ASAP1: variants seen among roughly 807,000 people sequenced by gnomAD.
ASAP1 encodes arf-GAP with SH3 domain, ANK repeat and PH domain-containing protein 1.
A neutral mutation model predicts 145.2 loss-of-function variants in ASAP1; 43 were observed. The ratio of observed to expected loss-of-function variants is 0.30; its 90% confidence interval spans 0.23 to 0.38. The LOEUF (loss-of-function observed/expected upper bound fraction) is 0.38, where lower values mean the gene tolerates loss of function less well. Among genes scored for constraint, ASAP1 ranks in the 10% least tolerant of loss-of-function variants. The pLI is 1.00. For missense variants in ASAP1, 1,018 were observed against 1,355.3 expected (o/e 0.75, Z 3.91); for synonymous variants, 546 against 515.5 (o/e 1.06, Z -0.80).
intron 7 of ASAP1, 63 bp from the exon 8 acceptor site, chr8:130,180,943 G>A: frequency 6.9e-6 from 10 of 1,447,752 alleles, no homozygotes; most frequent in Non-Finnish European, 8.5e-6. Context: ...AATACCAACA[G>A]CAGATCCTAA....
At chr8:130,158,175 C>T (rs1310779291) in intron 12 of ASAP1, among the ~76,000 whole-genome samples, 1 of 151,534 alleles carries the variant, frequency 6.6e-6, no homozygotes, top group Non-Finnish European at 1.5e-5. Context: ...AGTACGTATC[C>T]ACAAGTAATC....
chr8:130,439,702 T>C (rs1007406137), intron 1 of ASAP1, among the ~76,000 whole-genome samples: 1 of 152,012 alleles, frequency 6.6e-6, no homozygotes, highest in Non-Finnish European at 1.5e-5. Context: ...TAAAGATGAG[T>C]AGCAATTAGC....
At chr8:130,160,212 A>G (rs1005648535) in intron 11 of ASAP1, 1 of 493,764 alleles carries the variant, frequency 2.0e-6, no homozygotes, top group Admixed American at 3.3e-5. Flanking sequence ...ACCCACCTCT[A>G]CTCTGAACTG....
chr8:130,329,609 T>A (rs2137771306), intron 3 of ASAP1, among the ~76,000 whole-genome samples: 1 of 152,330 alleles, frequency 6.6e-6, no homozygotes, highest in South Asian at 2.1e-4. Flanking sequence ...TGCAAATATG[T>A]TACTGGCTCA....
intron 4 of ASAP1, among the ~76,000 whole-genome samples, chr8:130,222,137 C>T (rs796333237): frequency 1.3e-5 from 2 of 152,312 alleles, no homozygotes; most frequent in African/African-American, 4.8e-5. Flanking sequence ...CTTAGGAATA[C>T]ATTAAAATTC....
intron 14 of ASAP1, among the ~76,000 whole-genome samples, chr8:130,136,521 G>A (rs1309561163): frequency 3.3e-5 from 5 of 150,482 alleles, no homozygotes; most frequent in African/African-American, 9.8e-5. Context: ...CTACATCCGT[G>A]CTTCTTAACC....
intron 18 of ASAP1, among the ~76,000 whole-genome samples, chr8:130,121,784 CAAAAAAAAAAAAAAAAA>C (rs56996962): frequency 7.9e-5 from 2 of 25,408 alleles, no homozygotes; most frequent in Admixed American, 7.6e-4. Context: ...AATTCCATCT[CAAAAAAAAAAAAAAAAA>C]AAAAAAAAAA....
chr8:130,342,913 G>A (rs1346724434), intron 3 of ASAP1, among the ~76,000 whole-genome samples: 1 of 152,114 alleles, frequency 6.6e-6, no homozygotes, highest in Non-Finnish European at 1.5e-5. Flanking sequence ...TCTGCCAAGT[G>A]TTAAGTGGGA....
chr8:130,096,109 G>T (rs1164271019), intron 24 of ASAP1, among the ~76,000 whole-genome samples: 3 of 152,166 alleles, frequency 2.0e-5, no homozygotes, highest in Admixed American at 6.5e-5. Context: ...CAGAAAGGAA[G>T]ATGCTACAAA....
chr8:130,101,054 T>C (rs957714426), intron 24 of ASAP1, among the ~76,000 whole-genome samples: 7 of 152,224 alleles, frequency 4.6e-5, no homozygotes, highest in Non-Finnish European at 8.8e-5. Flanking sequence ...CCCCAATGTA[T>C]GTTCTTTGCA....
intron 2 of ASAP1, among the ~76,000 whole-genome samples, chr8:130,389,480 A>G (rs13272051): frequency 0.42 from 63,652 of 152,050 alleles, 14,400 homozygotes; most frequent in African/African-American, 0.59. Context: ...ACAAAACCAA[A>G]TCTTATTTTG....
At chr8:130,412,039 G>T (rs1829286371) in intron 1 of ASAP1, among the ~76,000 whole-genome samples, 1 of 152,184 alleles carries the variant, frequency 6.6e-6, no homozygotes, top group Admixed American at 6.5e-5. Flanking sequence ...GGCCCTGTAT[G>T]GGTATCGGCC....
intron 3 of ASAP1, among the ~76,000 whole-genome samples, chr8:130,252,807 T>A (rs530340449): frequency 6.6e-6 from 1 of 152,120 alleles, no homozygotes; most frequent in Non-Finnish European, 1.5e-5. Context: ...ACCAAAAAAA[T>A]ACTCATGAAA....
intron 27 of ASAP1, among the ~76,000 whole-genome samples, chr8:130,066,778 G>A (rs1000333542): frequency 1.4e-4 from 21 of 152,268 alleles, no homozygotes; most frequent in Middle Eastern, 3.4e-3. Context: ...GAGAACTTCC[G>A]TAAATTCAGA....
rs5895032 is a variant in ASAP1 at position 130,052,735 on chromosome 8, G to GTTTTTTTTTTTTTTTTT, written c.*1995_*1996insAAAAAAAAAAAAAAAAA. 2.5e-5 allele frequency: 3 copies of GTTTTTTTTTTTTTTTTT among 122,142 alleles called. No homozygotes were observed. The highest frequency in any genetic ancestry group is 5.1e-5 in the Non-Finnish European group (3 of 58,480). The allele number at this position is 122,142 out of a possible 1,614,324, so 7.6% of individuals were successfully genotyped here. The stretch of plus-strand genomic sequence containing the variant: ...GCTTTTGTGTTTTTTTTTTGTTTTT[G>GTTTTTTTTTTTTTTTTT]TTTTTTTTTTTTTTTTGAAAAAAAC... On this transcript the variant is annotated 3_prime_UTR_variant, in exon 30 of 30. Coordinates refer to ENST00000518721, the MANE Select transcript of ASAP1 (RefSeq NM_018482.4).
chr8:130,387,531 A>G (rs1828075367), intron 2 of ASAP1, among the ~76,000 whole-genome samples: 1 of 150,800 alleles, frequency 6.6e-6, no homozygotes, highest in Admixed American at 6.6e-5. Context: ...GTGAGACTCC[A>G]TCAAGAAAGA....
chr8:130,237,747 C>A lies in ASAP1; in HGVS notation c.187-753G>T, dbSNP rs183022113. 1.3e-3 allele frequency among the ~76,000 whole-genome samples: 193 copies of A among 151,988 alleles called. 2 individuals carry two copies. The highest frequency in any genetic ancestry group is 3.4e-3 in the African/African-American group (142 of 41,456). ...GTTTGTTAAAATTCAGCAAATTGTG[C>A]GTTTAGGCTATGTACTCCTTTCTGT... On this transcript the variant is annotated intron_variant, in intron 3 of 29. Coordinates refer to ENST00000518721, the MANE Select transcript of ASAP1 (RefSeq NM_018482.4).
rs114688933 is a variant in ASAP1 at position 130,142,847 on chromosome 8, G to T, written c.1081-5809C>A. Among the ~76,000 whole-genome samples the T allele has an allele frequency of 2.5e-3, 375 of 152,180 alleles. 2 individuals are homozygous for T. The highest frequency in any genetic ancestry group is 8.9e-3 in the African/African-American group (368 of 41,526). ...GGCAATCTACTGGAGAAAGCAGAGT[G>T]GCCAGTTAGATCTCTATTTCACGGT... is the stretch of plus-strand genomic sequence containing the variant. On this transcript the variant is annotated intron_variant, in intron 13 of 29. Transcript: ENST00000518721.
chr8:130,097,126 C>CAA (rs61591724), intron 24 of ASAP1, among the ~76,000 whole-genome samples: 907 of 53,516 alleles, frequency 0.017, 131 homozygotes, highest in Non-Finnish European at 0.021. Flanking sequence ...AGTTAGTCTC[C>CAA]AAAAAAAAAA....
Sources: allele counts gnomAD v4.1 joint callset (sites outside exome capture counted in the v4.1 genomes callset), GRCh38; gene constraint gnomAD v4.1.1; transcripts MANE v1.5; gene names NCBI Gene and HGNC (gene_info 2026-07-23, HGNC 2026-07-21).